Variants in ART4 observed in about 807,000 individuals in gnomAD.
ART4 encodes ADP-ribosyltransferase 4 (inactive) (Dombrock blood group).
A neutral mutation model predicts 24.2 loss-of-function variants in ART4; 14 were observed. The ratio of observed to expected loss-of-function variants is 0.58; its 90% CI spans 0.38 to 0.90. The LOEUF is 0.90. Among genes scored for constraint, ART4 ranks in the 40% least tolerant of loss-of-function variants. The pLI is 0.00. For missense variants in ART4, 356 were observed against 366.6 expected (o/e 0.97, Z 0.24); for synonymous variants, 145 against 139.9 (o/e 1.04, Z -0.26).
At position 14,843,021 on chromosome 12, in the gene ART4, C is replaced by T. The variant is rs1863077509; in HGVS notation, c.93G>A (p.Leu31=). ...TMRIWLLGGL[L]PFLLLLSGLQ... Reference sequence around the variant, plus strand: ...GGCCAGAGAGGAGCAGCAGGAATGGCAGCAGGCCTCCAAGGAGCCAGATTC... The same window carrying T: ...GGCCAGAGAGGAGCAGCAGGAATGGTAGCAGGCCTCCAAGGAGCCAGATTC... Residue 31 remains leucine, a synonymous_variant, in exon 1 of 3, where the codon CTG becomes CTA. Transcript: ENST00000228936. 6.2e-7 allele frequency: 1 copy of T among 1,613,908 alleles called. No individual in the cohort carries two copies. Among genetic ancestry groups the T allele is most frequent in the Non-Finnish European group, 8.5e-7 (1 of 1,179,942 alleles).
chr12:14,837,616 C>T (rs763447678), intron 2 of ART4, among the ~76,000 whole-genome samples: 1 of 152,138 alleles, frequency 6.6e-6, no homozygotes, highest in African/African-American at 2.4e-5. Context: ...TGGATTCAAG[C>T]GATTCTCCTA....
intron 2 of ART4, among the ~76,000 whole-genome samples, chr12:14,835,613 T>TC (rs1475595185): frequency 1.0e-4 from 15 of 149,406 alleles, no homozygotes; most frequent in Non-Finnish European, 1.6e-4. Context: ...AATCAAACTT[T>TC]TTTTTTTTTT....
intron 2 of ART4, among the ~76,000 whole-genome samples, chr12:14,835,855 G>A (rs534747767): frequency 1.3e-5 from 2 of 151,972 alleles, no homozygotes; most frequent in African/African-American, 2.4e-5. Context: ...CACCTGCCTC[G>A]ACCTCCCAAA....
rs1323680034 is a variant in ART4 at position 14,828,958 on chromosome 12, C to G, written c.*413G>C. ...TCCATTCAGAAAAGAAGCTCCCATT[C>G]TATTTCCAATTGCAATTCCACAAAA... On this transcript the variant is annotated 3_prime_UTR_variant, in exon 3 of 3. Transcript: ENST00000228936. 1 of 153,222 alleles carries G rather than the reference C, an allele frequency of 6.5e-6. No individual in the cohort carries two copies. The highest frequency in any genetic ancestry group is 1.5e-5 in the Non-Finnish European group (1 of 68,864). The allele number at this position is 153,222 out of a possible 1,614,324, so 9.5% of individuals were successfully genotyped here. A position where few individuals can be genotyped will look rare whatever the true frequency, so the allele number is the denominator to read the frequency against.
chr12:14,832,690 G>A (rs1950404744), intron 2 of ART4, among the ~76,000 whole-genome samples: 1 of 152,144 alleles, frequency 6.6e-6, no homozygotes, highest in African/African-American at 2.4e-5. Context: ...AATAATAGCT[G>A]CTATTATGAT....
rs762396780 is a variant in ART4 at position 14,840,813 on chromosome 12, T to C, written c.485A>G (p.Tyr162Cys). 1.7e-5 allele frequency: 27 copies of C among 1,614,128 alleles called. No homozygotes were observed. The South Asian group carries it at 2.9e-4, about 17-fold the overall frequency. ...CAGCAGCTGGATTGCTGAGGTGAGG[T>C]AGTAGTGTAAATATTTGAAGTGGAA... ...RSFHFKYLHY[Y>C]LTSAIQLLRK... Residue 162 changes from tyrosine to cysteine, a missense_variant, in exon 2 of 3, where the codon TAC (tyrosine) becomes TGC (cysteine). Transcript: ENST00000228936.
chr12:14,829,223 T>C lies in ART4; in HGVS notation c.*148A>G. 1.9e-6 allele frequency: 1 copy of C among 532,336 alleles called. No individual in the cohort carries two copies. Among genetic ancestry groups the C allele is most frequent in the Non-Finnish European group, 3.2e-6 (1 of 314,172 alleles). 33.0% of individuals were successfully genotyped at this position (532,336 alleles called of 1,614,324 possible). A position where few individuals can be genotyped will look rare whatever the true frequency, so the allele number is the denominator to read the frequency against. ...GGTACAAGGAAAGGCATAAGAGAAT[T>C]AGCAAAGAGGAGGCCATGCACTGGT... On this transcript the variant is annotated 3_prime_UTR_variant, in exon 3 of 3. Transcript: ENST00000228936.
At position 14,843,070 on chromosome 12, in the gene ART4, G is replaced by A. The variant is rs768468851; in HGVS notation, c.44C>T (p.Thr15Ile). The change falls in exon 1 of 3, where the codon ACT becomes ATT. Residue 15 changes from threonine (T) to isoleucine (I), a missense_variant. Physicochemically the swap from Thr to Ile is moderately conservative, Grantham distance 89. Transcript: ENST00000228936. The stretch of plus-strand genomic sequence containing the variant: ...TCTCATCGTTGCAGGAGGTACAGTA[G>A]TTGGGAGAAGAATCTTCTTGCATCT... ...INRCKKILLP[T>I]TVPPATMRIW... The A allele has an allele frequency of 6.2e-7, 1 of 1,614,104 alleles. No individual in the cohort carries two copies.
At chr12:14,836,356 A>G (rs546269256) in intron 2 of ART4, among the ~76,000 whole-genome samples, 3 of 152,216 alleles carry the variant, frequency 2.0e-5, no homozygotes, top group Admixed American at 6.5e-5. Flanking sequence ...TTGAAAACAA[A>G]CACTGCAGTA....
chr12:14,842,332 T>C (rs1326331491), intron 1 of ART4, among the ~76,000 whole-genome samples: 1 of 152,140 alleles, frequency 6.6e-6, no homozygotes, highest in Non-Finnish European at 1.5e-5. Context: ...CATTTGGTAT[T>C]TTTACTATGT....
chr12:14,843,099 G>T lies in ART4; in HGVS notation c.15C>A (p.Ile5=), dbSNP rs1863079466. The stretch of plus-strand genomic sequence containing the variant: ...GGAGAAGAATCTTCTTGCATCTGTT[G>T]ATCAATGGACCCATTTGCTTGTGTC... MGPL[I]NRCKKILLPT... Residue 5 remains isoleucine, a synonymous_variant, in exon 1 of 3, where the codon ATC becomes ATA. Coordinates refer to ENST00000228936, the MANE Select transcript of ART4 (RefSeq NM_021071.4). The T allele has an allele frequency of 1.9e-6, 3 of 1,614,018 alleles. No homozygotes were observed. Among genetic ancestry groups the T allele is most frequent in the South Asian group, 2.2e-5 (2 of 91,058 alleles).
intron 2 of ART4, among the ~76,000 whole-genome samples, chr12:14,835,387 G>A (rs1470137141): frequency 6.6e-6 from 1 of 152,122 alleles, no homozygotes; most frequent in African/African-American, 2.4e-5. Context: ...AAGGATCCCA[G>A]ATAAGAAAGA....
intron 1 of ART4, among the ~76,000 whole-genome samples, chr12:14,842,044 G>A (rs976138512): frequency 2.0e-5 from 3 of 152,208 alleles, no homozygotes; most frequent in African/African-American, 7.2e-5. Flanking sequence ...TCCCCTCCTG[G>A]AAAAGGACAT....
At chr12:14,839,342 A>G (rs940350890) in intron 2 of ART4, among the ~76,000 whole-genome samples, 2 of 152,186 alleles carry the variant, frequency 1.3e-5, no homozygotes, top group African/African-American at 4.8e-5. Context: ...GCTGTTTGAA[A>G]TCCTTGTGAT....
In ART4 at chr12:14,840,709, A is replaced by G. The variant is rs1341498063; in HGVS notation, c.589T>C (p.Tyr197His). Reference protein sequence around the residue: ...YRTKDVHFNAYTGATIRFGQF... With the variant: ...YRTKDVHFNAHTGATIRFGQF... ...CCAAATCGAATGGTGGCCCCTGTGTAGGCATTAAAGTGGACATCCTTCGTC... is the reference window on the plus strand; with the variant it reads ...CCAAATCGAATGGTGGCCCCTGTGTGGGCATTAAAGTGGACATCCTTCGTC... Residue 197 changes from tyrosine to histidine, a missense_variant, in exon 2 of 3, where the codon TAC becomes CAC. Physicochemically the swap from Tyr to His is moderately conservative, Grantham distance 83 (BLOSUM62 2). Coordinates refer to ENST00000228936, the MANE Select transcript of ART4 (RefSeq NM_021071.4). 2.5e-6 allele frequency: 4 copies of G among 1,614,186 alleles called. No individual in the cohort carries two copies. The highest frequency in any genetic ancestry group is 3.4e-6 in the Non-Finnish European group (4 of 1,180,034).
At chr12:14,835,653 T>G (rs1054783349) in intron 2 of ART4, among the ~76,000 whole-genome samples, 4 of 151,942 alleles carry the variant, frequency 2.6e-5, no homozygotes, top group Admixed American at 2.0e-4. Flanking sequence ...TTGCCCAGGC[T>G]GGAGTGCAGT....
At chr12:14,831,786 G>A (rs1168781951) in intron 2 of ART4, among the ~76,000 whole-genome samples, 1 of 151,664 alleles carries the variant, frequency 6.6e-6, no homozygotes, top group Non-Finnish European at 1.5e-5. Flanking sequence ...TCTCTGCTTG[G>A]GTTACTATTG....
intron 2 of ART4, among the ~76,000 whole-genome samples, chr12:14,836,790 G>A (rs1040770919): frequency 4.6e-5 from 7 of 152,170 alleles, no homozygotes; most frequent in African/African-American, 1.7e-4. Context: ...TAGTTTCGTA[G>A]CTGTGGAGGG....
chr12:14,829,527 A>G, intron 2 of ART4, 65 bp from the exon 3 acceptor site: 1 of 1,072,484 alleles, frequency 9.3e-7, no homozygotes, highest in Non-Finnish European at 1.4e-6. Flanking sequence ...TACCTCATCT[A>G]TCCATTGATC....
Sources: gnomAD v4.1 joint callset for allele counts (sites outside exome capture counted in the v4.1 genomes callset) on GRCh38, gnomAD v4.1.1 for gene constraint, MANE v1.5 for transcripts, NCBI Gene and HGNC (gene_info 2026-07-23, HGNC 2026-07-21) for gene names.